The following PHACTR3 variants were observed in gnomAD, a reference collection of about 807,000 sequenced individuals.
PHACTR3 encodes the protein protein phosphatase 1, regulatory subunit 123.
A neutral mutation model predicts 66.8 loss-of-function variants in PHACTR3; 16 were observed. The observed-to-expected ratio is 0.24, with a 90% CI of 0.16 to 0.36. The LOEUF (loss-of-function observed/expected upper bound fraction) is 0.36, where lower values mean the gene tolerates loss of function less well. Ranked by LOEUF, PHACTR3 falls within the 10% of genes least tolerant of loss-of-function variation. The pLI is 1.00. For missense variants in PHACTR3, 647 were observed against 719.9 expected (o/e 0.90, Z 1.16); for synonymous variants, 323 against 292.1 (o/e 1.11, Z -1.08).
chr20:59,797,618 G>A (rs2041290235), intron 7 of PHACTR3, among the ~76,000 whole-genome samples: 1 of 152,152 alleles, frequency 6.6e-6, no homozygotes, highest in Non-Finnish European at 1.5e-5. Context: ...AGCAATGCCT[G>A]TGAGTACCTC....
intron 6 of PHACTR3, 119 bp downstream of exon 6, chr20:59,773,572 T>TTCCTTG: frequency 3.7e-6 from 4 of 1,082,520 alleles, no homozygotes; most frequent in Non-Finnish European, 5.1e-6. Context: ...CTACAGTCAC[T>TTCCTTG]TTCTGAACAA....
upstream of PHACTR3, chr20:59,603,359 A>G (rs1262038865): frequency 6.6e-6 from 1 of 152,184 alleles, no homozygotes; most frequent in African/African-American, 2.4e-5. Flanking sequence ...TGAATGAATG[A>G]GTCCTTTCTT....
chr20:59,828,876 G>A (rs1600729573), intron 8 of PHACTR3, among the ~76,000 whole-genome samples: 1 of 152,126 alleles, frequency 6.6e-6, no homozygotes, highest in African/African-American at 2.4e-5. Flanking sequence ...CAGTGTGGAA[G>A]TCTCCATCAT....
At chr20:59,617,009 T>G in intron 1 of PHACTR3, among the ~76,000 whole-genome samples, 1 of 152,180 alleles carries the variant, frequency 6.6e-6, no homozygotes, top group East Asian at 1.9e-4. Context: ...TTAAGATCAT[T>G]ACTTCAAACA....
intron 1 of PHACTR3, among the ~76,000 whole-genome samples, chr20:59,717,155 A>C (rs2038123561): frequency 6.6e-6 from 1 of 152,234 alleles, no homozygotes; most frequent in South Asian, 2.1e-4. Context: ...GTACATAAAA[A>C]TAATTATTTC....
intron 8 of PHACTR3, among the ~76,000 whole-genome samples, chr20:59,813,504 G>A (rs376079254): frequency 7.9e-5 from 12 of 152,192 alleles, no homozygotes; most frequent in African/African-American, 2.2e-4. Flanking sequence ...CAGAGATTTC[G>A]AATTCATGTA....
At chr20:59,771,815 T>C (rs2040371404) in intron 5 of PHACTR3, among the ~76,000 whole-genome samples, 1 of 152,224 alleles carries the variant, frequency 6.6e-6, no homozygotes, top group South Asian at 2.1e-4. Flanking sequence ...CAGTTTCCTT[T>C]TGGGTTTTGA....
intron 1 of PHACTR3, among the ~76,000 whole-genome samples, chr20:59,666,499 AG>A (rs1394293436): frequency 1.3e-5 from 2 of 152,162 alleles, no homozygotes; most frequent in Non-Finnish European, 2.9e-5. Context: ...GTGGAGCAGA[AG>A]GAGCTCAATT....
intron 7 of PHACTR3, among the ~76,000 whole-genome samples, chr20:59,784,453 ACT>A (rs1568818995): frequency 6.6e-6 from 1 of 151,918 alleles, no homozygotes; most frequent in African/African-American, 2.4e-5. Context: ...ACACCAGGTG[ACT>A]CTCAAGAGCT....
At position 59,775,343 on chromosome 20, in the gene PHACTR3, G is replaced by T. The variant is rs139273215; in HGVS notation, c.1174+853G>T. On this transcript the variant is annotated intron_variant, in intron 7 of 12. Coordinates refer to ENST00000371015, the MANE Select transcript of PHACTR3 (RefSeq NM_080672.5). ...GCTGTTCTTCCTGGAAGCATCTCAT[G>T]GTGACTGTTGCGGGCATGGGCAAAG... 6.4e-3 allele frequency among the ~76,000 whole-genome samples: 980 copies of T among 152,232 alleles called. 12 individuals are homozygous for T. The highest frequency in any genetic ancestry group is 0.022 in the African/African-American group (911 of 41,508).
intron 8 of PHACTR3, among the ~76,000 whole-genome samples, chr20:59,831,964 G>A (rs561624173): frequency 8.5e-5 from 13 of 152,152 alleles, no homozygotes; most frequent in South Asian, 8.3e-4. Flanking sequence ...CCTGAGTGGC[G>A]ACTGTGTGTC....
At chr20:59,595,124 T>C (rs527981253) in intron 1 of PHACTR3, among the ~76,000 whole-genome samples, 17 of 152,374 alleles carry the variant, frequency 1.1e-4, no homozygotes, top group African/African-American at 3.8e-4. Context: ...ATTTCTAGTT[T>C]AATTTCACTG....
chr20:59,788,882 A>T (rs913065912), intron 7 of PHACTR3, among the ~76,000 whole-genome samples: 1 of 152,290 alleles, frequency 6.6e-6, no homozygotes, highest in East Asian at 1.9e-4. Flanking sequence ...TTCAGAAAAG[A>T]TGTGCCATGA....
upstream of PHACTR3, among the ~76,000 whole-genome samples, chr20:59,600,391 CTGTT>C (rs1465948548): frequency 1.3e-5 from 2 of 152,230 alleles, no homozygotes; most frequent in African/African-American, 4.8e-5. Flanking sequence ...GGCAAAGTGA[CTGTT>C]TGGGCACAGA....
chr20:59,724,939 G>A (rs1324692191), intron 1 of PHACTR3, among the ~76,000 whole-genome samples: 1 of 151,954 alleles, frequency 6.6e-6, no homozygotes, highest in East Asian at 1.9e-4. Flanking sequence ...TGTGTGCTCA[G>A]GAAGCTGTGA....
chr20:59,670,546 T>C (rs1439467798), intron 1 of PHACTR3, among the ~76,000 whole-genome samples: 1 of 144,100 alleles, frequency 6.9e-6, no homozygotes, highest in Non-Finnish European at 1.5e-5. Context: ...GAAGCCTCCA[T>C]GTTCTCTCTG....
In PHACTR3 at chr20:59,761,773, G is replaced by A. The variant is rs56101490; in HGVS notation, c.542-5413G>A. Among the ~76,000 whole-genome samples the A allele has an allele frequency of 6.4e-3, 975 of 152,240 alleles. 11 individuals are homozygous for A. The highest frequency in any genetic ancestry group is 0.021 in the African/African-American group (868 of 41,536). ...TACCAGTAAGTCATGAACTTGTGGC[G>A]CTGTGGTTGAGCTTCAGGTATTTCC... On this transcript the variant is annotated intron_variant, in intron 4 of 12. Coordinates refer to ENST00000371015, the MANE Select transcript of PHACTR3 (RefSeq NM_080672.5).
At chr20:59,621,046 G>A (rs1054042664) in intron 1 of PHACTR3, among the ~76,000 whole-genome samples, 9 of 152,192 alleles carry the variant, frequency 5.9e-5, no homozygotes, top group Non-Finnish European at 1.3e-4. Flanking sequence ...GAGCTCCTTC[G>A]AGTCGGTGTC....
rs529589081 is a variant in PHACTR3 at position 59,685,019 on chromosome 20, C to G, written c.119-58088C>G. Among the ~76,000 whole-genome samples the G allele has an allele frequency of 2.6e-5, 4 of 152,294 alleles. No individual in the cohort carries two copies. In the South Asian group the frequency reaches 8.3e-4, roughly 32 times the overall value. On this transcript the variant is annotated intron_variant, in intron 1 of 12. Coordinates refer to ENST00000371015, the MANE Select transcript of PHACTR3 (RefSeq NM_080672.5). Reference sequence around the variant, plus strand: ...AGGTCCCTTGGTCTGGCGTGTCCTCCCCACTCTTCCTGAGTTCTCTGAATT... The same window carrying G: ...AGGTCCCTTGGTCTGGCGTGTCCTCGCCACTCTTCCTGAGTTCTCTGAATT...
Sources: allele counts gnomAD v4.1 joint callset (sites outside exome capture counted in the v4.1 genomes callset), GRCh38; gene constraint gnomAD v4.1.1; transcripts MANE v1.5; gene names NCBI Gene and HGNC (gene_info 2026-07-23, HGNC 2026-07-21).